Variants in HEXIM2 observed in about 807,000 individuals in gnomAD.
HEXIM2 encodes the protein HEXIM P-TEFb complex subunit 2, also known as protein HEXIM2.
For synonymous variants in HEXIM2, 159 were observed against 162.7 expected, an observed-to-expected ratio of 0.98 and a Z score of 0.17; for missense variants, 413 against 390.8, an observed-to-expected ratio of 1.06 and a Z score of -0.48.
chr17:45,164,210 C>A (rs2042778979), intron 3 of HEXIM2, among the ~76,000 whole-genome samples: 1 of 151,592 alleles, frequency 6.6e-6, no homozygotes, highest in African/African-American at 2.4e-5. Flanking sequence ...AATCCCAGCA[C>A]TTTGGGAGGC....
chr17:45,160,602 C>G (rs942278288), upstream of HEXIM2: 1 of 258,748 alleles, frequency 3.9e-6, no homozygotes, highest in East Asian at 9.1e-5. Context: ...AACTCCGTTT[C>G]TATTTCGGAG....
intron 3 of HEXIM2, among the ~76,000 whole-genome samples, chr17:45,165,846 G>A (rs1301735564): frequency 6.6e-6 from 1 of 151,848 alleles, no homozygotes. Flanking sequence ...CCAGGCTGGA[G>A]TGCAGTGGCG....
In HEXIM2 at chr17:45,169,402, G is replaced by A. The variant is rs2042961704; in HGVS notation, c.454G>A (p.Asp152Asn). 6.2e-7 allele frequency: 1 copy of A among 1,613,976 alleles called. No individual in the cohort carries two copies. Among genetic ancestry groups the A allele is most frequent in the East Asian group, 2.2e-5 (1 of 44,878 alleles). The change falls in exon 4 of 4, where the codon GAC becomes AAC. Residue 152 changes from aspartate (D) to asparagine (N), a missense_variant. By Grantham distance (23) the Asp-to-Asn change is conservative. Coordinates refer to ENST00000589230, the MANE Select transcript of HEXIM2 (RefSeq NM_001303441.2). ...CACCCAGTTCCTGATGAATGACAGG[G>A]ACCCGGAGGAGCCCAACTTGGATGT... ...NTTQFLMNDR[D>N]PEEPNLDVPH...
rs140049495 is a variant in HEXIM2, at chr17:45,169,474, G to C, written c.526G>C (p.Gly176Arg). The C allele has an allele frequency of 2.5e-6, 4 of 1,613,584 alleles. No individual in the cohort carries two copies. The highest frequency in any genetic ancestry group is 3.4e-6 in the Non-Finnish European group (4 of 1,179,898). Reference sequence around the variant, plus strand: ...AGGTTCCAGTGGGGAGAGTGAGGCCGGGGACAGTGATGGGCGGGGCCGAGC... The same window carrying C: ...AGGTTCCAGTGGGGAGAGTGAGGCCCGGGACAGTGATGGGCGGGGCCGAGC... ...HPGSSGESEAGDSDGRGRAHG... is the reference protein window; with the variant it reads ...HPGSSGESEARDSDGRGRAHG... The change falls in exon 4 of 4, where the codon GGG (glycine) becomes CGG (arginine). Residue 176 changes from glycine to arginine, a missense_variant. Physicochemically the swap from Gly to Arg is moderately radical, Grantham distance 125. Transcript: ENST00000589230.
chr17:45,165,017 T>C (rs1450619817), intron 3 of HEXIM2, among the ~76,000 whole-genome samples: 2 of 152,118 alleles, frequency 1.3e-5, no homozygotes, highest in Non-Finnish European at 2.9e-5. Flanking sequence ...AGGCAGCAGG[T>C]AGGGCTAGGG....
At chr17:45,161,524 C>G (rs939789500), upstream of HEXIM2, 4 of 162,298 alleles carry the variant, frequency 2.5e-5, no homozygotes, top group African/African-American at 9.6e-5. Context: ...CGCCGAGCTT[C>G]TCGTCGCCTT....
At position 45,169,569 on chromosome 17, in the gene HEXIM2, C is replaced by T. The variant is rs1229471818; in HGVS notation, c.621C>T (p.Gly207=). Residue 207 remains glycine, a synonymous_variant, in exon 4 of 4, where the codon GGC becomes GGT. Transcript: ENST00000589230. ...GCTTCCACACCGAGAGCCTGCAGGG[C>T]CGCAGCAAGCAGGAGCTGGTGCGAG... ...YERFHTESLQ[G]RSKQELVRDY... 3 of 1,552,836 alleles carry T rather than the reference C, an allele frequency of 1.9e-6. No homozygotes were observed. The highest frequency in any genetic ancestry group is 2.6e-6 in the Non-Finnish European group (3 of 1,149,014).
Position 45,169,493 on chromosome 17 carries a change from G to A in HEXIM2, c.545G>A (p.Gly182Asp). The A allele has an allele frequency of 6.2e-7, 1 of 1,612,440 alleles. No homozygotes were observed. The highest frequency in any genetic ancestry group is 8.5e-7 in the Non-Finnish European group (1 of 1,179,356). The stretch of plus-strand genomic sequence containing the variant: ...GAGGCCGGGGACAGTGATGGGCGGG[G>A]CCGAGCGCACGGTGAGTTCCAGCGG... ...ESEAGDSDGR[G>D]RAHGEFQRKD... Residue 182 changes from glycine to aspartate, a missense_variant, in exon 4 of 4, where the codon GGC becomes GAC. By Grantham distance (94) the Gly-to-Asp change is moderately conservative. Transcript: ENST00000589230.
At position 45,169,499 on chromosome 17, in the gene HEXIM2, C is replaced by A; in HGVS notation, c.551C>A (p.Ala184Glu). The change falls in exon 4 of 4, where the codon GCG (alanine) becomes GAG (glutamate). Residue 184 changes from alanine (A) to glutamate (E), a missense_variant. Physicochemically the swap from Ala to Glu is moderately radical, Grantham distance 107. Coordinates refer to ENST00000589230, the MANE Select transcript of HEXIM2 (RefSeq NM_001303441.2). Reference protein sequence around the residue: ...EAGDSDGRGRAHGEFQRKDFS... With the variant: ...EAGDSDGRGREHGEFQRKDFS... ...GGGGACAGTGATGGGCGGGGCCGAG[C>A]GCACGGTGAGTTCCAGCGGAAGGAC... is the stretch of plus-strand genomic sequence containing the variant. 1.9e-6 allele frequency: 3 copies of A among 1,610,982 alleles called. No individual in the cohort carries two copies. The highest frequency in any genetic ancestry group is 1.7e-6 in the Non-Finnish European group (2 of 1,178,728).
At chr17:45,160,211 T>TA (rs533020703), upstream of HEXIM2, among the ~76,000 whole-genome samples, 7 of 152,280 alleles carry the variant, frequency 4.6e-5, 1 homozygote, top group East Asian at 1.2e-3. Context: ...AATGTAAGGT[T>TA]AAGAGTTTAT....
chr17:45,169,909 G>A lies in HEXIM2; in HGVS notation c.*100G>A. The A allele has an allele frequency of 1.0e-6, 1 of 992,120 alleles. No individual in the cohort carries two copies. The highest frequency in any genetic ancestry group is 1.4e-6 in the Non-Finnish European group (1 of 712,190). 61.5% of individuals were successfully genotyped at this position (992,120 alleles called of 1,614,324 possible). On this transcript the variant is annotated 3_prime_UTR_variant, in exon 4 of 4. Transcript: ENST00000589230. ...AGGCAGGTGGCAGATGAAAACCACC[G>A]TCAACACCCTGTGCGCCCTGAGAAC...
rs2042979201 is a variant in HEXIM2, at chr17:45,169,774, G to C, written c.826G>C (p.Glu276Gln). 1.4e-6 allele frequency: 2 copies of C among 1,455,542 alleles called. No individual in the cohort carries two copies. The highest frequency in any genetic ancestry group is 1.4e-5 in the African/African-American group (1 of 70,242). The allele number at this position is 1,455,542 out of a possible 1,614,324, so 90.2% of individuals were successfully genotyped here. ...TCAGGAGAACCAGATGTGGAACCGA[G>C]AGGGCTGCCGCTGTGATGAGGAGCC... is the stretch of plus-strand genomic sequence containing the variant. ...LRQENQMWNR[E>Q]GCRCDEEPGT is the part of the protein sequence containing the mutation. Residue 276 changes from glutamate (E) to glutamine (Q), a missense_variant, in exon 4 of 4, where the codon GAG (glutamate) becomes CAG (glutamine). By Grantham distance (29) the Glu-to-Gln change is conservative (BLOSUM62 2). Transcript: ENST00000589230.
At chr17:45,160,946 A>C (rs1311214341), upstream of HEXIM2, 12 of 1,289,640 alleles carry the variant, frequency 9.3e-6, no homozygotes, top group Non-Finnish European at 3.0e-6. Flanking sequence ...TAAGCGAGGT[A>C]AGGTGGGTGC....
In HEXIM2 at chr17:45,169,325, G is replaced by C. The variant is rs757683854; in HGVS notation, c.377G>C (p.Arg126Pro). Residue 126 changes from arginine to proline, a missense_variant, in exon 4 of 4, where the codon CGG (arginine) becomes CCG (proline). Transcript: ENST00000589230. ...RDERQSQRAS[R>P]VREEMFAKGQ... ...GAGAGGCAGAGCCAGAGGGCCTCCC[G>C]GGTCCGCGAAGAGATGTTCGCCAAA... 1.2e-6 allele frequency: 2 copies of C among 1,613,838 alleles called. No homozygotes were observed. The highest frequency in any genetic ancestry group is 1.1e-5 in the South Asian group (1 of 91,070).
chr17:45,165,609 CCT>C lies in HEXIM2; in HGVS notation c.66+2753_66+2754del, dbSNP rs151247564. 2.4e-3 allele frequency among the ~76,000 whole-genome samples: 366 copies of C among 152,118 alleles called. 2 individuals are homozygous for C. Among genetic ancestry groups the C allele is most frequent in the African/African-American group, 8.6e-3 (356 of 41,490 alleles). Reference sequence around the variant, plus strand: ...ATACACTCTCTTGACAGCCTTTATACCTCTTAGATAAGTTCTGGAACTCTCTC... The same window carrying C: ...ATACACTCTCTTGACAGCCTTTATACCTTAGATAAGTTCTGGAACTCTCTC... On this transcript the variant is annotated intron_variant, in intron 3 of 3. Coordinates refer to ENST00000589230, the MANE Select transcript of HEXIM2 (RefSeq NM_001303441.2).
chr17:45,161,964 C>A lies in HEXIM2; in HGVS notation c.-260C>A. On this transcript the variant is annotated 5_prime_UTR_variant, in exon 1 of 4. Transcript: ENST00000589230. ...GGTAGGGCTCAGGCGTTGGGAATTG[C>A]ACCGACAGGCAGTCGCACAGAAAGG... is the stretch of plus-strand genomic sequence containing the variant. 1.0e-6 allele frequency: 1 copy of A among 985,614 alleles called. No homozygotes were observed. The highest frequency in any genetic ancestry group is 4.7e-5 in the South Asian group (1 of 21,314). The allele number at this position is 985,614 out of a possible 1,614,324, so 61.1% of individuals were successfully genotyped here.
chr17:45,162,488 G>A lies in HEXIM2; in HGVS notation c.-192G>A. On this transcript the variant is annotated splice_region_variant and 5_prime_UTR_variant, in exon 2 of 4. Transcript: ENST00000589230. ...CAACCTGGGCCTCGGTGACTTCCAG[G>A]AGGACAGTACAGGACATGAGTCCTG... 8.7e-7 allele frequency: 1 copy of A among 1,143,922 alleles called. No homozygotes were observed. The highest frequency in any genetic ancestry group is 1.1e-6 in the Non-Finnish European group (1 of 925,724). The allele number at this position is 1,143,922 out of a possible 1,614,324, so 70.9% of individuals were successfully genotyped here.
At chr17:45,163,956 A>G (rs2042771320) in intron 3 of HEXIM2, among the ~76,000 whole-genome samples, 1 of 151,768 alleles carries the variant, frequency 6.6e-6, no homozygotes, top group Non-Finnish European at 1.5e-5. Flanking sequence ...AGAGTTCAAG[A>G]CCAGCCTGGC....
chr17:45,160,998 C>G, upstream of HEXIM2: 23 of 1,267,488 alleles, frequency 1.8e-5, no homozygotes, highest in Non-Finnish European at 2.4e-5. Flanking sequence ...GACTGCCACG[C>G]CGACTTGTGG....
Sources: gnomAD v4.1 joint callset for allele counts (sites outside exome capture counted in the v4.1 genomes callset) on GRCh38, gnomAD v4.1.1 for gene constraint, MANE v1.5 for transcripts, NCBI Gene and HGNC (gene_info 2026-07-23, HGNC 2026-07-21) for gene names.